MARCHF1: variants seen among roughly 807,000 people sequenced by gnomAD.
MARCHF1 encodes E3 ubiquitin-protein ligase MARCHF1.
Under a neutral mutation model 54.2 loss-of-function variants are expected in MARCHF1, and 40 were observed. The observed-to-expected ratio is 0.74, with a 90% CI of 0.57 to 0.96. The LOEUF (loss-of-function observed/expected upper bound fraction) is 0.96, where lower values mean the gene tolerates loss of function less well. MARCHF1 is among the 40% of genes least tolerant of loss of function. The probability of loss-of-function intolerance (pLI) is 0.00; values close to 1 mark genes in which losing one functional copy is unlikely to be tolerated. For synonymous variants in MARCHF1, 236 were observed against 236.3 expected (o/e 1.00, Z 0.01); for missense variants, 586 against 656.5 (o/e 0.89, Z 1.17).
intron 3 of MARCHF1, among the ~76,000 whole-genome samples, chr4:163,976,459 G>A (rs1752651757): frequency 6.6e-6 from 1 of 152,086 alleles, no homozygotes; most frequent in South Asian, 2.1e-4. Context: ...TGGCCACAAG[G>A]CAAACTATGG....
chr4:163,756,494 G>A lies in MARCHF1; in HGVS notation c.112-55631C>T, dbSNP rs186122042. 7.7e-3 allele frequency among the ~76,000 whole-genome samples: 1,165 copies of A among 151,718 alleles called. 8 individuals are homozygous for A. The highest frequency in any genetic ancestry group is 0.021 in the South Asian group (102 of 4,792). On this transcript the variant is annotated intron_variant, in intron 4 of 9. Transcript: ENST00000514618. ...AAAAAATACAAATTATTAGCTGGGC[G>A]TGGTGGCACGTGCCTGTAGTCCCAG...
chr4:164,106,733 A>T (rs1478147421), intron 2 of MARCHF1, among the ~76,000 whole-genome samples: 1 of 144,694 alleles, frequency 6.9e-6, no homozygotes, highest in African/African-American at 2.6e-5. Context: ...AACCTGCACA[A>T]TGTGCACATG....
At chr4:163,707,969 G>T (rs1001954934) in intron 4 of MARCHF1, among the ~76,000 whole-genome samples, 17 of 151,894 alleles carry the variant, frequency 1.1e-4, no homozygotes, top group East Asian at 7.8e-4. Context: ...GGGCACAGAG[G>T]GGGGCCACAG....
At chr4:163,578,081 G>A (rs954574363) in intron 8 of MARCHF1, among the ~76,000 whole-genome samples, 3 of 151,558 alleles carry the variant, frequency 2.0e-5, no homozygotes, top group Non-Finnish European at 4.4e-5. Flanking sequence ...GTTTTTTTAT[G>A]CTTTCCATAT....
intron 5 of MARCHF1, among the ~76,000 whole-genome samples, chr4:163,683,130 A>G (rs1006857559): frequency 1.3e-5 from 2 of 152,208 alleles, no homozygotes; most frequent in African/African-American, 4.8e-5. Context: ...TTTATGATGT[A>G]TTAGTCTGTT....
intron 3 of MARCHF1, among the ~76,000 whole-genome samples, chr4:163,916,451 A>G (rs73868938): frequency 4.3e-5 from 4 of 94,006 alleles, no homozygotes; most frequent in African/African-American, 1.4e-4. Context: ...ACAGGTGTGT[A>G]AGGGTCTGAG....
At chr4:164,174,569 T>G (rs763416075) in intron 1 of MARCHF1, among the ~76,000 whole-genome samples, 5 of 152,202 alleles carry the variant, frequency 3.3e-5, no homozygotes, top group Non-Finnish European at 7.4e-5. Flanking sequence ...GATGGTTGTA[T>G]CTACTGAGAT....
At chr4:164,186,066 T>C (rs1730962968) in intron 1 of MARCHF1, among the ~76,000 whole-genome samples, 1 of 152,174 alleles carries the variant, frequency 6.6e-6, no homozygotes, top group Non-Finnish European at 1.5e-5. Context: ...CTAATTTTTG[T>C]ATTTTTAGTA....
At chr4:163,762,942 T>C (rs1201552039) in intron 4 of MARCHF1, among the ~76,000 whole-genome samples, 1 of 152,102 alleles carries the variant, frequency 6.6e-6, no homozygotes, top group South Asian at 2.1e-4. Context: ...ATTGAAATGT[T>C]CAGAGGACAA....
In MARCHF1 at chr4:164,234,486, C is replaced by G. The variant is rs116369040; in HGVS notation, c.-322-122824G>C. ...ATTCAGTGAAATTAATTTATTGACA[C>G]TCCTATGATAGAATAAATGACCAAT... On this transcript the variant is annotated intron_variant, in intron 1 of 9. Coordinates refer to ENST00000514618, the MANE Select transcript of MARCHF1 (RefSeq NM_001394959.1). 4.4e-3 allele frequency among the ~76,000 whole-genome samples: 675 copies of G among 152,164 alleles called. 5 individuals carry two copies. The highest frequency in any genetic ancestry group is 0.027 in the Middle Eastern group (8 of 294).
At chr4:163,558,250 G>C (rs1739355612) in intron 8 of MARCHF1, among the ~76,000 whole-genome samples, 2 of 152,192 alleles carry the variant, frequency 1.3e-5, no homozygotes, top group African/African-American at 4.8e-5. Flanking sequence ...TGTGCAGGGA[G>C]AAGTAGAAAG....
intron 3 of MARCHF1, among the ~76,000 whole-genome samples, chr4:163,911,161 C>T (rs186431476): frequency 2.0e-4 from 31 of 152,128 alleles, no homozygotes; most frequent in Admixed American, 5.9e-4. Flanking sequence ...GGACTACAGA[C>T]GACAATTTTT....
At chr4:164,356,246 C>T (rs1189369785) in intron 1 of MARCHF1, among the ~76,000 whole-genome samples, 1 of 115,332 alleles carries the variant, frequency 8.7e-6, no homozygotes, top group African/African-American at 2.9e-5. Context: ...TACCATTTGA[C>T]CCAGCCATCC....
chr4:163,551,498 G>A (rs1224312715), intron 8 of MARCHF1, among the ~76,000 whole-genome samples: 1 of 152,180 alleles, frequency 6.6e-6, no homozygotes, highest in Admixed American at 6.5e-5. Context: ...CAAAACTGAT[G>A]ATAGGGAGGA....
intron 1 of MARCHF1, among the ~76,000 whole-genome samples, chr4:164,352,723 C>T (rs1231304733): frequency 6.8e-6 from 1 of 146,598 alleles, no homozygotes; most frequent in Non-Finnish European, 1.5e-5. Flanking sequence ...AAATAACCAG[C>T]TAACATCATA....
rs112513693 is a variant in MARCHF1, at chr4:163,914,703, G to A, written c.-38-60534C>T. Among the ~76,000 whole-genome samples, 362 of 152,180 alleles carry A rather than the reference G, an allele frequency of 2.4e-3. 3 individuals are homozygous for A. The highest frequency in any genetic ancestry group is 8.4e-3 in the African/African-American group (349 of 41,534). On this transcript the variant is annotated intron_variant, in intron 3 of 9. Transcript: ENST00000514618. ...TGTAATTCTAAGAAAAATACTAGTAGTGTTTGTTTTTGTTTTTATTTTGAG... is the reference window on the plus strand; with the variant it reads ...TGTAATTCTAAGAAAAATACTAGTAATGTTTGTTTTTGTTTTTATTTTGAG...
chr4:163,867,304 T>TA (rs1211875332), intron 3 of MARCHF1, among the ~76,000 whole-genome samples: 2 of 152,044 alleles, frequency 1.3e-5, no homozygotes, highest in East Asian at 3.9e-4. Context: ...AGAGATAAAG[T>TA]ACTAATGTAT....
chr4:164,359,647 GTAAC>G (rs1578897885), intron 1 of MARCHF1, among the ~76,000 whole-genome samples: 2 of 152,128 alleles, frequency 1.3e-5, no homozygotes, highest in Non-Finnish European at 1.5e-5. Context: ...CTTTAATAAA[GTAAC>G]TAAGGAATTC....
At position 163,556,843 on chromosome 4, in the gene MARCHF1, C is replaced by T. The variant is rs559943012; in HGVS notation, c.1192-11100G>A. Among the ~76,000 whole-genome samples, 14 of 151,622 alleles carry T rather than the reference C, an allele frequency of 9.2e-5. No homozygotes were observed. The South Asian group carries it at 2.5e-3, about 27-fold the overall frequency. ...ATTTGAATTTGTTTTTGGCACCATA[C>T]TGACTCAGCGTTTCTTAAGAATTTT... On this transcript the variant is annotated intron_variant, in intron 8 of 9. Transcript: ENST00000514618.
Sources: gnomAD v4.1 joint callset for allele counts (sites outside exome capture counted in the v4.1 genomes callset) on GRCh38, gnomAD v4.1.1 for gene constraint, MANE v1.5 for transcripts, NCBI Gene and HGNC (gene_info 2026-07-23, HGNC 2026-07-21) for gene names.